LARGE1: variants seen among roughly 807,000 people sequenced by gnomAD.
LARGE1 encodes xylosyl- and glucuronyltransferase LARGE1.
Under a neutral mutation model 87.6 loss-of-function variants are expected in LARGE1, and 43 were observed. That is an observed-to-expected ratio of 0.49 (90% CI 0.38 to 0.63). The LOEUF (loss-of-function observed/expected upper bound fraction) is 0.63. Among genes scored for constraint, LARGE1 ranks in the 30% least tolerant of loss-of-function variants. The pLI is 0.00. For synonymous variants in LARGE1, 434 were observed against 394.6 expected (o/e 1.10, Z -1.18); for missense variants, 802 against 1,000.2 (o/e 0.80, Z 2.67).
At chr22:33,533,559 G>A (rs528336091) in intron 6 of LARGE1, among the ~76,000 whole-genome samples, 1 of 152,308 alleles carries the variant, frequency 6.6e-6, no homozygotes, top group Admixed American at 6.5e-5. Flanking sequence ...TCCAACAGAT[G>A]TAAAATGCCC....
chr22:33,920,631 G>C (rs908483366), upstream of LARGE1, among the ~76,000 whole-genome samples: 1,099 of 143,774 alleles, frequency 7.6e-3, 10 homozygotes, highest in African/African-American at 0.027. Context: ...CCGGGGGCGC[G>C]GGGCTAGGGG....
chr22:33,739,329 C>T (rs372729219), intron 2 of LARGE1, among the ~76,000 whole-genome samples: 1 of 152,150 alleles, frequency 6.6e-6, no homozygotes, highest in Non-Finnish European at 1.5e-5. Flanking sequence ...TCTCCTGTTC[C>T]TGCCCCTGGG....
chr22:33,569,856 A>T (rs754520888), intron 5 of LARGE1, among the ~76,000 whole-genome samples: 2 of 152,204 alleles, frequency 1.3e-5, no homozygotes, highest in Non-Finnish European at 2.9e-5. Context: ...TGAGGCAGGG[A>T]CGATGTCTTT....
intron 9 of LARGE1, among the ~76,000 whole-genome samples, chr22:33,376,279 T>G (rs994270209): frequency 2.0e-5 from 3 of 152,230 alleles, no homozygotes; most frequent in East Asian, 3.8e-4. Context: ...TGTTTTCAAG[T>G]TCTTGTTATT....
chr22:33,256,747 T>C (rs1009740209), intron 11 of LARGE1, among the ~76,000 whole-genome samples: 1 of 152,240 alleles, frequency 6.6e-6, no homozygotes, highest in Non-Finnish European at 1.5e-5. Flanking sequence ...ATGCGGTCTG[T>C]ATCAACTCAC....
chr22:33,893,225 C>A (rs1001839433), intron 1 of LARGE1, among the ~76,000 whole-genome samples: 1 of 152,190 alleles, frequency 6.6e-6, no homozygotes, highest in Non-Finnish European at 1.5e-5. Context: ...AAAGAAAACA[C>A]CAGCTCCAAA....
the LARGE1 span, among the ~76,000 whole-genome samples, chr22:33,130,207 T>G: frequency 2.0e-5 from 3 of 148,874 alleles, no homozygotes; most frequent in Non-Finnish European, 4.4e-5. Flanking sequence ...CCAGCTACTC[T>G]GGAGGCTGAG....
chr22:33,882,117 A>G (rs1375787641), intron 1 of LARGE1, among the ~76,000 whole-genome samples: 1 of 143,660 alleles, frequency 7.0e-6, no homozygotes, highest in Non-Finnish European at 1.5e-5. Context: ...ATCTCGGCTC[A>G]CCGCAAGCTC....
chr22:33,733,700 G>T (rs186657597), intron 2 of LARGE1: 23 of 152,302 alleles, frequency 1.5e-4, no homozygotes, highest in African/African-American at 5.5e-4. Context: ...ATCACTAGTT[G>T]TTGGGAATGC....
intron 11 of LARGE1, among the ~76,000 whole-genome samples, chr22:33,214,375 A>C (rs1310118591): frequency 6.6e-6 from 1 of 152,116 alleles, no homozygotes; most frequent in Non-Finnish European, 1.5e-5. Context: ...ATCTTAACTT[A>C]ATTGCCCTTT....
intron 2 of LARGE1, among the ~76,000 whole-genome samples, chr22:33,717,510 G>T (rs372860011): frequency 1.3e-5 from 2 of 152,148 alleles, no homozygotes; most frequent in South Asian, 2.1e-4. Flanking sequence ...CTTGGGGTCA[G>T]ATTATAATCT....
intron 6 of LARGE1, among the ~76,000 whole-genome samples, chr22:33,527,673 T>A (rs1281927056): frequency 6.6e-6 from 1 of 152,082 alleles, no homozygotes; most frequent in African/African-American, 2.4e-5. Context: ...GGTAGAATCA[T>A]CTGCCCAGAT....
intron 6 of LARGE1, among the ~76,000 whole-genome samples, chr22:33,558,588 C>G (rs911605325): frequency 1.3e-5 from 2 of 152,092 alleles, no homozygotes; most frequent in Admixed American, 1.3e-4. Context: ...TAAAGTAGAC[C>G]AGCAGGGACT....
intron 6 of LARGE1, among the ~76,000 whole-genome samples, chr22:33,437,792 C>T (rs971664937): frequency 6.6e-6 from 1 of 152,140 alleles, no homozygotes; most frequent in Non-Finnish European, 1.5e-5. Context: ...ATAGTTCTTG[C>T]CCTGGGGGCA....
intron 11 of LARGE1, among the ~76,000 whole-genome samples, chr22:33,177,243 G>A (rs985536036): frequency 7.2e-5 from 11 of 151,984 alleles, no homozygotes; most frequent in Non-Finnish European, 1.0e-4. Flanking sequence ...CCCATGGCAC[G>A]TGTATACGTA....
intron 11 of LARGE1, among the ~76,000 whole-genome samples, chr22:33,315,102 G>A (rs551740889): frequency 6.6e-6 from 1 of 152,228 alleles, no homozygotes; most frequent in South Asian, 2.1e-4. Context: ...CCAGCTACTC[G>A]GGAGGCTGAG....
the LARGE1 span, among the ~76,000 whole-genome samples, chr22:33,113,873 C>CT: frequency 8.2e-4 from 115 of 140,364 alleles, no homozygotes; most frequent in Middle Eastern, 3.7e-3. Flanking sequence ...TAGGGATTTT[C>CT]TTTTTTTTTT....
chr22:33,698,354 G>A (rs1346325103), intron 2 of LARGE1, among the ~76,000 whole-genome samples: 1 of 147,840 alleles, frequency 6.8e-6, no homozygotes, highest in Non-Finnish European at 1.5e-5. Context: ...AGGCTGGAGT[G>A]CAGTGGTGTG....
chr22:33,227,333 G>A (rs966928325), intron 11 of LARGE1, among the ~76,000 whole-genome samples: 18 of 152,138 alleles, frequency 1.2e-4, no homozygotes, highest in Non-Finnish European at 2.4e-4. Flanking sequence ...TGCACAGAGG[G>A]AGGGCCAATC....
Sources: allele counts gnomAD v4.1 joint callset (sites outside exome capture counted in the v4.1 genomes callset), GRCh38; gene constraint gnomAD v4.1.1; transcripts MANE v1.5; gene names NCBI Gene and HGNC (gene_info 2026-07-23, HGNC 2026-07-21).